Variants in TGM6 observed in about 807,000 individuals in gnomAD.
TGM6 encodes transglutaminase 6.
A neutral mutation model predicts 77.5 loss-of-function variants in TGM6; 74 were observed. The observed-to-expected ratio is 0.96, with a 90% CI of 0.79 to 1.16. The LOEUF (loss-of-function observed/expected upper bound fraction) is 1.16, where lower values mean the gene tolerates loss of function less well. Among genes scored for constraint, TGM6 ranks in the 50% most tolerant of loss-of-function variants. The pLI, the probability that TGM6 is intolerant of heterozygous loss-of-function variation, is 0.00. For missense variants in TGM6, 968 were observed against 940.2 expected, an observed-to-expected ratio of 1.03 and a Z score of -0.39; for synonymous variants, 383 against 378.9, an observed-to-expected ratio of 1.01 and a Z score of -0.12.
intron 1 of TGM6, among the ~76,000 whole-genome samples, chr20:2,389,799 G>A (rs562757319): frequency 2.6e-5 from 4 of 152,192 alleles, no homozygotes; most frequent in South Asian, 2.1e-4. Context: ...CAAAAACAAG[G>A]CCACTCCATA....
chr20:2,425,373 G>A (rs2084880952), intron 10 of TGM6, among the ~76,000 whole-genome samples: 1 of 151,630 alleles, frequency 6.6e-6, no homozygotes, highest in Non-Finnish European at 1.5e-5. Flanking sequence ...AAAGATCACT[G>A]ATCATAGAAG....
intron 1 of TGM6, among the ~76,000 whole-genome samples, chr20:2,389,685 A>G (rs2084618136): frequency 6.6e-6 from 1 of 152,188 alleles, no homozygotes; most frequent in Admixed American, 6.5e-5. Context: ...AGAGGAAATC[A>G]ATTTTTCACT....
At chr20:2,391,980 G>A (rs1296758414) in intron 1 of TGM6, among the ~76,000 whole-genome samples, 3 of 152,202 alleles carry the variant, frequency 2.0e-5, no homozygotes, top group Non-Finnish European at 4.4e-5. Context: ...ACACATCCTG[G>A]TGTTTTAAGC....
intron 1 of TGM6, among the ~76,000 whole-genome samples, chr20:2,386,913 C>A (rs951350261): frequency 2.5e-4 from 38 of 152,280 alleles, no homozygotes; most frequent in African/African-American, 9.1e-4. Context: ...CTGGGGCATA[C>A]CAGGGCTGAG....
In TGM6 at chr20:2,403,606, A is replaced by G. The variant is rs1025921393; in HGVS notation, c.1119A>G (p.Ser373=). Residue 373 remains serine (S), a synonymous_variant, in exon 9 of 13, where the codon TCA becomes TCG. Coordinates refer to ENST00000202625, the MANE Select transcript of TGM6 (RefSeq NM_198994.3). ...SEGVFRCGPA[S]VTAIREGDVH... ...GTGTGTTCCGGTGCGGCCCAGCCTC[A>G]GTCACCGCCATCCGCGAGGGTGATG... The G allele has an allele frequency of 2.5e-6, 4 of 1,614,106 alleles. No homozygotes were observed. The highest frequency in any genetic ancestry group is 2.2e-5 in the East Asian group (1 of 44,880).
chr20:2,402,602 C>G (rs918459288), intron 7 of TGM6, among the ~76,000 whole-genome samples: 3 of 152,236 alleles, frequency 2.0e-5, no homozygotes, highest in Non-Finnish European at 4.4e-5. Flanking sequence ...AAAACAGTTG[C>G]CTGCCGAAGA....
At chr20:2,403,227 A>G (rs2084723328) in intron 7 of TGM6, among the ~76,000 whole-genome samples, 170 bp from the exon 8 acceptor site, 1 of 152,246 alleles carries the variant, frequency 6.6e-6, no homozygotes, top group South Asian at 2.1e-4. Flanking sequence ...ACATATATAT[A>G]CAAACATATG....
intron 9 of TGM6, among the ~76,000 whole-genome samples, chr20:2,404,921 A>G (rs1181519020): frequency 1.3e-5 from 2 of 152,184 alleles, no homozygotes; most frequent in Non-Finnish European, 2.9e-5. Flanking sequence ...GATTACAGGC[A>G]TGAGCCACTG....
chr20:2,391,218 T>G (rs1256280552), intron 1 of TGM6, among the ~76,000 whole-genome samples: 1 of 151,656 alleles, frequency 6.6e-6, no homozygotes, highest in Non-Finnish European at 1.5e-5. Flanking sequence ...CCATAGTACC[T>G]CCCTTAGGTG....
intron 9 of TGM6, among the ~76,000 whole-genome samples, chr20:2,416,799 C>T (rs376443553): frequency 6.6e-6 from 1 of 152,156 alleles, no homozygotes; most frequent in East Asian, 1.9e-4. Context: ...GAATTTGGAG[C>T]TTTACTGCCT....
At chr20:2,432,036 T>C (rs2084926891) in intron 12 of TGM6, among the ~76,000 whole-genome samples, 1 of 151,952 alleles carries the variant, frequency 6.6e-6, no homozygotes, top group African/African-American at 2.4e-5. Flanking sequence ...AAATATGTTT[T>C]TTTGGTTGTT....
intron 9 of TGM6, among the ~76,000 whole-genome samples, chr20:2,409,660 C>A (rs1754437286): frequency 6.6e-6 from 1 of 150,538 alleles, no homozygotes; most frequent in South Asian, 2.1e-4. Flanking sequence ...TGCAGTGAGC[C>A]GAGATCAGGC....
At chr20:2,426,697 C>A (rs2084889650) in intron 10 of TGM6, among the ~76,000 whole-genome samples, 1 of 152,048 alleles carries the variant, frequency 6.6e-6, no homozygotes, top group African/African-American at 2.4e-5. Context: ...CTCCTCTATT[C>A]CTAGTTTGCT....
At chr20:2,386,162 A>G (rs1231926946) in intron 1 of TGM6, among the ~76,000 whole-genome samples, 1 of 152,138 alleles carries the variant, frequency 6.6e-6, no homozygotes, top group Non-Finnish European at 1.5e-5. Context: ...CATGAGGACT[A>G]AGAGGGACAC....
At chr20:2,425,078 A>T (rs997347834) in intron 10 of TGM6, among the ~76,000 whole-genome samples, 2 of 152,186 alleles carry the variant, frequency 1.3e-5, no homozygotes, top group Non-Finnish European at 2.9e-5. Context: ...TCATATATGT[A>T]ATCCCAATCC....
chr20:2,419,352 G>T (rs544138066), intron 10 of TGM6, among the ~76,000 whole-genome samples: 1 of 152,066 alleles, frequency 6.6e-6, no homozygotes, highest in African/African-American at 2.4e-5. Flanking sequence ...GTGGATTTTC[G>T]CAGGGTGTGA....
chr20:2,431,115 A>G, intron 12 of TGM6, 88 bp downstream of exon 12: 6 of 1,566,794 alleles, frequency 3.8e-6, no homozygotes, highest in Non-Finnish European at 5.2e-6. Flanking sequence ...TGGGGGTGTG[A>G]GAGAGATTCT....
In TGM6 at chr20:2,397,901, G is replaced by A. The variant is rs112742279; in HGVS notation, c.544-17G>A. The A allele has an allele frequency of 9.0e-4, 1,453 of 1,614,116 alleles. 7 individuals are homozygous for A. In the African/African-American group the frequency reaches 9.7e-3, roughly 11 times the overall value. On this transcript the variant is annotated splice_polypyrimidine_tract_variant and intron_variant, in intron 4 of 12. Coordinates refer to ENST00000202625, the MANE Select transcript of TGM6 (RefSeq NM_198994.3). Reference sequence around the variant, plus strand: ...TGACTGAACGCAGCCTCTAAGCACAGCCTCTCTGGGGAGCAGTTTGAGGAG... The same window carrying A: ...TGACTGAACGCAGCCTCTAAGCACAACCTCTCTGGGGAGCAGTTTGAGGAG...
At chr20:2,394,339 T>G in intron 1 of TGM6, 113 bp from the exon 2 acceptor site, 1 of 1,249,248 alleles carries the variant, frequency 8.0e-7, no homozygotes, top group East Asian at 2.4e-5. Flanking sequence ...CGGTATATGA[T>G]AAATAGCAGC....
Sources: gnomAD v4.1 joint callset for allele counts (sites outside exome capture counted in the v4.1 genomes callset) on GRCh38, gnomAD v4.1.1 for gene constraint, MANE v1.5 for transcripts, NCBI Gene and HGNC (gene_info 2026-07-23, HGNC 2026-07-21) for gene names.